SORL1-AS1: variants seen among roughly 807,000 people sequenced by gnomAD.
SORL1-AS1 encodes the protein SORL1 antisense RNA 1.
chr11:121,449,056 C>T (rs1333739281), exon 2 of SORL1-AS1: 1 of 152,146 alleles, frequency 6.6e-6, no homozygotes, highest in Non-Finnish European at 1.5e-5. Flanking sequence ...AACATGACTC[C>T]ACCTGGATAA....
Position 121,452,814 on chromosome 11 carries a change from G to C in SORL1-AS1, n.200C>G, listed in dbSNP as rs1181326894. On this transcript the variant is annotated non_coding_transcript_exon_variant, in exon 1 of 2. Coordinates refer to ENST00000501964, the Ensembl canonical transcript of SORL1-AS1. This position sits in a 1 kb window ranked among gnomAD's most constrained non-coding sequence, Gnocchi z 5.3. The stretch of plus-strand genomic sequence containing the variant: ...ATCTTTCCTTCTTCCTGTCGATTTA[G>C]TAAACGTATTCCAGGTAACTCGCCG... 6.8e-5 allele frequency: 34 copies of C among 501,744 alleles called. 1 individual carries two copies. The South Asian group carries it at 8.4e-4, about 12-fold the overall frequency. 31.1% of individuals were successfully genotyped at this position (501,744 alleles called of 1,614,324 possible).
chr11:121,443,222 T>C (rs1241724847), downstream of SORL1-AS1, among the ~76,000 whole-genome samples: 1 of 152,224 alleles, frequency 6.6e-6, no homozygotes, highest in African/African-American at 2.4e-5. Flanking sequence ...ATCACTTGTA[T>C]TGATTGAGAT....
chr11:121,448,200 A>G (rs1170826070), exon 2 of SORL1-AS1: 1 of 152,154 alleles, frequency 6.6e-6, no homozygotes, highest in Non-Finnish European at 1.5e-5. Context: ...AATCACTGCT[A>G]TGCAAAATAA....
chr11:121,444,941 A>AC (rs563367915), downstream of SORL1-AS1, among the ~76,000 whole-genome samples: 184 of 152,338 alleles, frequency 1.2e-3, no homozygotes, highest in African/African-American at 4.1e-3. Flanking sequence ...TTGAAAACGA[A>AC]GAATTTTTCA....
downstream of SORL1-AS1, among the ~76,000 whole-genome samples, chr11:121,445,308 C>G (rs1269565311): frequency 6.6e-6 from 1 of 152,182 alleles, no homozygotes; most frequent in Non-Finnish European, 1.5e-5. Flanking sequence ...TGAGCTGTAG[C>G]AGGAGATGGG....
the SORL1-AS1 span, among the ~76,000 whole-genome samples, chr11:121,438,356 T>A: frequency 6.6e-6 from 1 of 152,168 alleles, no homozygotes; most frequent in East Asian, 1.9e-4. Flanking sequence ...AGACCTTAAG[T>A]GTATAATTTG....
chr11:121,449,585 T>C (rs1270899717), exon 2 of SORL1-AS1: 1 of 152,226 alleles, frequency 6.6e-6, no homozygotes, highest in Non-Finnish European at 1.5e-5. Context: ...AATTACATAA[T>C]AATTTGGTTG....
At chr11:121,442,803 C>G (rs1218762318), downstream of SORL1-AS1, among the ~76,000 whole-genome samples, 18 of 148,610 alleles carry the variant, frequency 1.2e-4, no homozygotes, top group South Asian at 2.1e-4. Flanking sequence ...CTCAGCCTCC[C>G]GAGTAGCTGG....
rs766367838 is a variant in SORL1-AS1, at chr11:121,452,500, G to T, written n.339+175C>A. The T allele has an allele frequency of 3.4e-6, 5 of 1,480,208 alleles. No homozygotes were observed. In the African/African-American group the frequency reaches 4.4e-5, roughly 13 times the overall value. 91.7% of individuals were successfully genotyped at this position (1,480,208 alleles called of 1,614,324 possible). On this transcript the variant is annotated intron_variant and non_coding_transcript_variant, in intron 1 of 1. Coordinates refer to ENST00000501964, the Ensembl canonical transcript of SORL1-AS1. The surrounding 1 kb of genome is among the most constrained non-coding windows in gnomAD (Gnocchi z 5.3). The stretch of plus-strand genomic sequence containing the variant: ...CCTCGTGGTGCAGGGCGACCCGCGC[G>T]AGCTGCGGCTGTGGGCGCGCGGGGA...
At chr11:121,451,655 C>T (rs1051704735) in intron 1 of SORL1-AS1, among the ~76,000 whole-genome samples, 1 of 152,182 alleles carries the variant, frequency 6.6e-6, no homozygotes, top group Admixed American at 6.5e-5. Flanking sequence ...GGCTGGGGCA[C>T]GTAGCTTGAT....
chr11:121,440,396 A>G, the SORL1-AS1 span, among the ~76,000 whole-genome samples: 1 of 152,084 alleles, frequency 6.6e-6, no homozygotes, highest in Non-Finnish European at 1.5e-5. Flanking sequence ...TAAACAAACA[A>G]ATAAAGAACT....
Position 121,452,253 on chromosome 11 carries a change from C to A in SORL1-AS1, n.339+422G>T. 1.6e-6 allele frequency: 2 copies of A among 1,227,436 alleles called. No individual in the cohort carries two copies. Among genetic ancestry groups the A allele is most frequent in the Non-Finnish European group, 2.1e-6 (2 of 950,292 alleles). The allele number at this position is 1,227,436 out of a possible 1,614,324, so 76.0% of individuals were successfully genotyped here. A position where few individuals can be genotyped will look rare whatever the true frequency, so the allele number is the denominator to read the frequency against. On this transcript the variant is annotated intron_variant and non_coding_transcript_variant, in intron 1 of 1. Transcript: ENST00000501964. This position sits in a 1 kb window ranked among gnomAD's most constrained non-coding sequence, Gnocchi z 5.3. ...GCCCCGGGAGCGGCGCGCGCGGTCC[C>A]GGCCCAGCGGCTCTCCTGGCCTCGC...
At chr11:121,442,689 ATTTT>A (rs1204591574), downstream of SORL1-AS1, among the ~76,000 whole-genome samples, 16 of 119,582 alleles carry the variant, frequency 1.3e-4, no homozygotes, top group East Asian at 2.7e-4. Flanking sequence ...TTATTTATTT[ATTTT>A]TTTGAGATGG....
exon 2 of SORL1-AS1, chr11:121,447,999 T>G (rs1860744421): frequency 6.6e-6 from 1 of 152,212 alleles, no homozygotes; most frequent in Non-Finnish European, 1.5e-5. Context: ...TGGGTTCAAA[T>G]TTATCCCTTA....
chr11:121,449,706 A>T (rs184271788), exon 2 of SORL1-AS1: 2 of 152,214 alleles, frequency 1.3e-5, no homozygotes, highest in Admixed American at 1.3e-4. Context: ...CTCATCTGAT[A>T]CTCTCAGCAG....
At chr11:121,442,263 G>A in the SORL1-AS1 span, among the ~76,000 whole-genome samples, 6 of 152,238 alleles carry the variant, frequency 3.9e-5, no homozygotes, top group South Asian at 4.2e-4. Context: ...TTCCAGAGTC[G>A]CCATTCAGTT....
chr11:121,439,074 CT>C, the SORL1-AS1 span, among the ~76,000 whole-genome samples: 1 of 152,102 alleles, frequency 6.6e-6, no homozygotes, highest in Non-Finnish European at 1.5e-5. Flanking sequence ...TCTTATCCAA[CT>C]TTTTTTGTAG....
chr11:121,452,350 A>G lies in SORL1-AS1; in HGVS notation n.339+325T>C. ...CCCGAACATGGCGACACGGAGCAGC[A>G]GGAGGGAGTCGCGACTCCCGTTCCT... On this transcript the variant is annotated intron_variant and non_coding_transcript_variant, in intron 1 of 1. Coordinates refer to ENST00000501964, the Ensembl canonical transcript of SORL1-AS1. This position sits in a 1 kb window ranked among gnomAD's most constrained non-coding sequence, Gnocchi z 5.3. 2 of 1,553,674 alleles carry G rather than the reference A, an allele frequency of 1.3e-6. No homozygotes were observed. Among genetic ancestry groups the G allele is most frequent in the South Asian group, 1.2e-5 (1 of 83,972 alleles).
rs1177278345 is a variant in SORL1-AS1, at chr11:121,452,787, T to C, written n.227A>G. 4 of 535,698 alleles carry C rather than the reference T, an allele frequency of 7.5e-6. No homozygotes were observed. Among genetic ancestry groups the C allele is most frequent in the Non-Finnish European group, 1.2e-5 (4 of 323,698 alleles). 33.2% of individuals were successfully genotyped at this position (535,698 alleles called of 1,614,324 possible). ...ACAACCGTCAGCACTTGAATCGCATTGATCTTTCCTTCTTCCTGTCGATTT... is the reference window on the plus strand; with the variant it reads ...ACAACCGTCAGCACTTGAATCGCATCGATCTTTCCTTCTTCCTGTCGATTT... On this transcript the variant is annotated non_coding_transcript_exon_variant, in exon 1 of 2. Coordinates refer to ENST00000501964, the Ensembl canonical transcript of SORL1-AS1. The surrounding 1 kb of genome is among the most constrained non-coding windows in gnomAD (Gnocchi z 5.3).
Sources: allele counts gnomAD v4.1 joint callset (sites outside exome capture counted in the v4.1 genomes callset), GRCh38; gene constraint gnomAD v4.1.1; non-coding constraint Gnocchi (gnomAD v3.1); transcripts MANE v1.5; gene names NCBI Gene and HGNC (gene_info 2026-07-23, HGNC 2026-07-21).